DGKI: variants seen among roughly 807,000 people sequenced by gnomAD.
DGKI encodes diacylglycerol kinase iota.
DGKI carries 55 observed loss-of-function variants against 147.5 expected under a neutral mutation model. The observed-to-expected ratio is 0.37, with a 90% confidence interval of 0.30 to 0.47. The LOEUF is 0.47. Among genes scored for constraint, DGKI ranks in the 20% least tolerant of loss-of-function variants. The pLI, the probability that DGKI is intolerant of heterozygous loss-of-function variation, is 1.00. For missense variants in DGKI, 1,007 were observed against 1,323.8 expected, an observed-to-expected ratio of 0.76 and a Z score of 3.71; for synonymous variants, 469 against 477.1, an observed-to-expected ratio of 0.98 and a Z score of 0.22.
In DGKI at chr7:137,521,825, T is replaced by C. The variant is rs73449415; in HGVS notation, c.2248+41A>G. The C allele has an allele frequency of 1.5e-3, 2,122 of 1,410,538 alleles. 19 individuals are homozygous for C. In the African/African-American group the frequency reaches 0.026, roughly 17 times the overall value. The allele number at this position is 1,410,538 out of a possible 1,614,324, so 87.4% of individuals were successfully genotyped here. ...CCAAGGAGGATCAAGAAGCTGAAGA[T>C]AGGCTGATCGCATGAAATCAATGAG... On this transcript the variant is annotated intron_variant, in intron 21 of 32. Transcript: ENST00000614521.
In DGKI at chr7:137,656,528, T is replaced by C; in HGVS notation, c.619A>G (p.Arg207Gly). The C allele has an allele frequency of 6.2e-7, 1 of 1,614,142 alleles. No individual in the cohort carries two copies. The highest frequency in any genetic ancestry group is 8.5e-7 in the Non-Finnish European group (1 of 1,180,008). The change falls in exon 4 of 33, where the codon AGG becomes GGG. Residue 207 changes from arginine (R) to glycine (G), a missense_variant. Coordinates refer to ENST00000614521, the MANE Select transcript of DGKI (RefSeq NM_001321708.2). The part of the protein sequence containing the change: ...CQVRFAKSAL[R>G]RKCAVCKIVV... ...ATTTTACAGACTGCACACTTCCTCC[T>C]GAGAGCTGATTTCTACAATATTCAA...
chr7:137,470,028 C>T (rs960636170), intron 23 of DGKI, among the ~76,000 whole-genome samples: 11 of 152,154 alleles, frequency 7.2e-5, no homozygotes, highest in African/African-American at 2.4e-4. Flanking sequence ...CTACTGGCCA[C>T]ACGGGACATA....
Position 137,587,223 on chromosome 7 carries a change from CG to C in DGKI, c.1312-14del, listed in dbSNP as rs761911980. The C allele has an allele frequency of 7.5e-6, 12 of 1,595,548 alleles. No homozygotes were observed. The highest frequency in any genetic ancestry group is 1.8e-5 in the Admixed American group (1 of 56,038). On this transcript the variant is annotated splice_polypyrimidine_tract_variant and intron_variant, in intron 12 of 32. Coordinates refer to ENST00000614521, the MANE Select transcript of DGKI (RefSeq NM_001321708.2). The stretch of plus-strand genomic sequence containing the variant: ...GGATCCAGCCCACCTACAGGCGTAT[CG>C]GGGGCCAGAAGAGATATAAGAAAGA...
intron 1 of DGKI, among the ~76,000 whole-genome samples, chr7:137,747,988 G>A (rs181917239): frequency 1.1e-3 from 171 of 152,218 alleles, no homozygotes; most frequent in African/African-American, 3.7e-3. Flanking sequence ...ATTTATAAAG[G>A]TTGACACTTG....
intron 1 of DGKI, among the ~76,000 whole-genome samples, chr7:137,721,466 A>G (rs901142860): frequency 1.3e-5 from 2 of 152,084 alleles, no homozygotes; most frequent in Non-Finnish European, 2.9e-5. Flanking sequence ...TGTTGATTTT[A>G]CCTCAAACCT....
At chr7:137,688,327 C>T (rs572800087) in intron 2 of DGKI, among the ~76,000 whole-genome samples, 67 of 152,254 alleles carry the variant, frequency 4.4e-4, no homozygotes, top group Admixed American at 7.2e-4. Flanking sequence ...ATGAATTCAT[C>T]AATTACTTTA....
At chr7:137,495,308 A>G (rs920747065) in intron 21 of DGKI, among the ~76,000 whole-genome samples, 7 of 151,730 alleles carry the variant, frequency 4.6e-5, no homozygotes, top group African/African-American at 1.5e-4. Context: ...TAAAAAGCCT[A>G]CCAACCAGAA....
At position 137,387,293 on chromosome 7, in the gene DGKI, A is replaced by T. The variant is rs2128890731; in HGVS notation, c.*3927T>A. 1 of 152,294 alleles carries T rather than the reference A, an allele frequency of 6.6e-6. No individual in the cohort carries two copies. The highest frequency in any genetic ancestry group is 3.4e-3 in the Middle Eastern group (1 of 294). The allele number at this position is 152,294 out of a possible 1,614,324, so 9.4% of individuals were successfully genotyped here. On this transcript the variant is annotated 3_prime_UTR_variant, in exon 33 of 33. Coordinates refer to ENST00000614521, the MANE Select transcript of DGKI (RefSeq NM_001321708.2). ...TTCATGGAAGGCAACATAAACAATT[A>T]CAGGAACTCTTGGTCATGAATTTTA...
chr7:137,672,003 T>G (rs192609728), intron 3 of DGKI, among the ~76,000 whole-genome samples: 17 of 152,314 alleles, frequency 1.1e-4, no homozygotes, highest in African/African-American at 3.8e-4. Context: ...CATCCTGAAG[T>G]CTGACAGTTC....
chr7:137,425,220 ACAG>A (rs201592026), intron 28 of DGKI, among the ~76,000 whole-genome samples: 8,962 of 152,212 alleles, frequency 0.059, 694 homozygotes, highest in African/African-American at 0.18. Flanking sequence ...GAAAGATCAG[ACAG>A]CAGCATTTGT....
intron 29 of DGKI, among the ~76,000 whole-genome samples, chr7:137,408,271 C>T (rs570787965): frequency 6.6e-6 from 1 of 152,254 alleles, no homozygotes; most frequent in Admixed American, 6.5e-5. Context: ...ATTTTCTGAG[C>T]ACTGGTCTCT....
chr7:137,412,265 A>G lies in DGKI; in HGVS notation c.2762-58T>C, dbSNP rs371823052. Reference sequence around the variant, plus strand: ...TAGAAGACCCTCTTATTAAAATATTACACAAAGTTGGATCCATATTTTGGA... The same window carrying G: ...TAGAAGACCCTCTTATTAAAATATTGCACAAAGTTGGATCCATATTTTGGA... On this transcript the variant is annotated intron_variant, in intron 28 of 32. Coordinates refer to ENST00000614521, the MANE Select transcript of DGKI (RefSeq NM_001321708.2). 39 of 1,508,572 alleles carry G rather than the reference A, an allele frequency of 2.6e-5. No individual in the cohort carries two copies. The African/African-American group carries it at 4.4e-4, about 17-fold the overall frequency. The allele number at this position is 1,508,572 out of a possible 1,614,324, so 93.4% of individuals were successfully genotyped here. A position where few individuals can be genotyped will look rare whatever the true frequency, so the allele number is the denominator to read the frequency against.
intron 1 of DGKI, among the ~76,000 whole-genome samples, chr7:137,759,431 T>G (rs1000053128): frequency 3.9e-5 from 6 of 152,168 alleles, no homozygotes; most frequent in African/African-American, 1.4e-4. Flanking sequence ...AACCTCCGCC[T>G]CCCAGGTTCA....
intron 19 of DGKI, among the ~76,000 whole-genome samples, chr7:137,570,080 A>G (rs1818741937): frequency 6.6e-6 from 1 of 152,072 alleles, no homozygotes; most frequent in African/African-American, 2.4e-5. Context: ...TAAAAGAGAG[A>G]CCTATTTTGA....
intron 29 of DGKI, among the ~76,000 whole-genome samples, chr7:137,408,590 C>T (rs1237411420): frequency 6.6e-6 from 1 of 152,176 alleles, no homozygotes; most frequent in Non-Finnish European, 1.5e-5. Flanking sequence ...TCCAGATATG[C>T]AGCCCAGCCT....
At chr7:137,400,048 A>G (rs752519671) in intron 30 of DGKI, among the ~76,000 whole-genome samples, 1 of 152,216 alleles carries the variant, frequency 6.6e-6, no homozygotes, top group Admixed American at 6.5e-5. Context: ...AGCAGGTCAC[A>G]CTACATCAAG....
intron 32 of DGKI, among the ~76,000 whole-genome samples, chr7:137,391,943 A>G (rs1016878220): frequency 1.3e-5 from 2 of 152,218 alleles, no homozygotes; most frequent in Non-Finnish European, 2.9e-5. Flanking sequence ...AATCTTGGAA[A>G]GCTTGAAAAG....
chr7:137,781,253 C>T (rs555968259), intron 1 of DGKI, among the ~76,000 whole-genome samples: 6 of 152,058 alleles, frequency 3.9e-5, no homozygotes, highest in African/African-American at 1.4e-4. Flanking sequence ...GCCTAAGGGT[C>T]GGGAAAGGTG....
chr7:137,777,912 A>T (rs1235507544), intron 1 of DGKI, among the ~76,000 whole-genome samples: 1 of 152,180 alleles, frequency 6.6e-6, no homozygotes, highest in African/African-American at 2.4e-5. Context: ...TTTCGTCATA[A>T]ATACACCTAA....
Sources: allele counts gnomAD v4.1 joint callset (sites outside exome capture counted in the v4.1 genomes callset), GRCh38; gene constraint gnomAD v4.1.1; transcripts MANE v1.5; gene names NCBI Gene and HGNC (gene_info 2026-07-23, HGNC 2026-07-21).